AK9: variants seen among roughly 807,000 people sequenced by gnomAD.
AK9 encodes adenylate kinase domain containing 1.
AK9 carries 191 observed loss-of-function variants against 239.6 expected under a neutral mutation model. The ratio of observed to expected loss-of-function variants is 0.80; its 90% CI spans 0.71 to 0.90. The LOEUF (loss-of-function observed/expected upper bound fraction) is 0.90. AK9 is among the 40% of genes least tolerant of loss of function. The pLI is 0.00. For synonymous variants in AK9, 689 were observed against 721.0 expected, an observed-to-expected ratio of 0.96 and a Z score of 0.71; for missense variants, 1,995 against 2,214.7, an observed-to-expected ratio of 0.90 and a Z score of 1.99.
intron 17 of AK9, among the ~76,000 whole-genome samples, chr6:109,595,008 T>C (rs1292192930): frequency 6.6e-6 from 1 of 151,992 alleles, no homozygotes; most frequent in Non-Finnish European, 1.5e-5. Flanking sequence ...AATTGACAAA[T>C]GGGATCTAAT....
chr6:109,536,739 T>C (rs1381217250), intron 27 of AK9, among the ~76,000 whole-genome samples: 8 of 152,170 alleles, frequency 5.3e-5, no homozygotes, highest in African/African-American at 1.9e-4. Context: ...TGGCTGTGGG[T>C]TTGTCACAAA....
intron 21 of AK9, among the ~76,000 whole-genome samples, chr6:109,567,425 G>T (rs1363416180): frequency 6.6e-6 from 1 of 152,072 alleles, no homozygotes; most frequent in African/African-American, 2.4e-5. Flanking sequence ...TTCTGAAATT[G>T]AGGCAAAAAT....
Position 109,632,908 on chromosome 6 carries a change from T to C in AK9, c.1254+15A>G, listed in dbSNP as rs80048590. 765 of 1,551,464 alleles carry C rather than the reference T, an allele frequency of 4.9e-4. 4 individuals carry two copies. Among genetic ancestry groups the C allele is most frequent in the Middle Eastern group, 1.4e-3 (8 of 5,886 alleles). On this transcript the variant is annotated intron_variant, in intron 12 of 40. Transcript: ENST00000424296. ...ATAGATAGATAGATAGATAGACAGA[T>C]AGTTAGTTAGTCACCTTTCCTTTGT...
Position 109,536,973 on chromosome 6 carries a change from A to G in AK9, c.3351-3503T>C, listed in dbSNP as rs567544039. On this transcript the variant is annotated intron_variant, in intron 27 of 40. Transcript: ENST00000424296. ...TGAAGCCCACTTGATCATGGTGCAT[A>G]AGCTTTTTGATGTGCTGTTGGATTC... 6.6e-4 allele frequency among the ~76,000 whole-genome samples: 100 copies of G among 152,254 alleles called. 1 individual carries two copies. Among genetic ancestry groups the G allele is most frequent in the Middle Eastern group, 3.4e-3 (1 of 294 alleles).
chr6:109,566,855 G>A (rs1786604702), intron 21 of AK9, among the ~76,000 whole-genome samples: 1 of 152,154 alleles, frequency 6.6e-6, no homozygotes, highest in Non-Finnish European at 1.5e-5. Context: ...AATGAAGGCA[G>A]AAATAAAGAT....
In AK9 at chr6:109,497,532, A is replaced by G; in HGVS notation, c.5248T>C (p.Tyr1750His). ...YEALVPGSIN[Y>H]ALEYHNRIYI... ...ATACGATTATGATATTCTAAAGCAT[A>G]GTTAATGCTACCAGGTACTAGAGCT... The change falls in exon 38 of 41, where the codon TAT (tyrosine) becomes CAT (histidine). Residue 1750 changes from tyrosine to histidine, a missense_variant. Tyr to His is a moderately conservative substitution (Grantham distance 83). Coordinates refer to ENST00000424296, the MANE Select transcript of AK9 (RefSeq NM_001145128.3). 6.2e-7 allele frequency: 1 copy of G among 1,609,202 alleles called. No homozygotes were observed. The highest frequency in any genetic ancestry group is 8.5e-7 in the Non-Finnish European group (1 of 1,175,846).
At chr6:109,531,626 C>G (rs1018856490) in intron 28 of AK9, among the ~76,000 whole-genome samples, 5 of 152,164 alleles carry the variant, frequency 3.3e-5, no homozygotes, top group African/African-American at 9.7e-5. Flanking sequence ...TACAGGACAG[C>G]ACAGATCTAG....
chr6:109,520,621 T>C (rs1251612811), intron 29 of AK9, among the ~76,000 whole-genome samples: 2 of 152,148 alleles, frequency 1.3e-5, no homozygotes, highest in Non-Finnish European at 2.9e-5. Flanking sequence ...ATATGAATTT[T>C]AGAATAGTTT....
intron 26 of AK9, among the ~76,000 whole-genome samples, chr6:109,543,521 C>A (rs1783150267): frequency 6.6e-6 from 1 of 152,096 alleles, no homozygotes; most frequent in Admixed American, 6.5e-5. Context: ...GATCTTGGCT[C>A]ACTGCAACCT....
chr6:109,670,309 T>C (rs756252571), intron 5 of AK9, among the ~76,000 whole-genome samples: 27 of 152,224 alleles, frequency 1.8e-4, no homozygotes, highest in South Asian at 8.3e-4. Flanking sequence ...TAATGTGTAA[T>C]AGGTTTAAGT....
chr6:109,685,382 T>C (rs1335888153), intron 1 of AK9, among the ~76,000 whole-genome samples: 1 of 152,188 alleles, frequency 6.6e-6, no homozygotes, highest in African/African-American at 2.4e-5. Flanking sequence ...ATATACACCA[T>C]GGAATACTAT....
intron 8 of AK9, among the ~76,000 whole-genome samples, chr6:109,654,708 T>C (rs1440319418): frequency 6.6e-6 from 1 of 152,182 alleles, no homozygotes; most frequent in African/African-American, 2.4e-5. Context: ...GTATCAACAC[T>C]CTTAAGGAAA....
intron 37 of AK9, 95 bp from the exon 38 acceptor site, chr6:109,497,658 A>G (rs1777215314): frequency 2.3e-6 from 3 of 1,325,994 alleles, no homozygotes; most frequent in Non-Finnish European, 3.1e-6. Flanking sequence ...TTTTCTACCT[A>G]TGTAGCTCAA....
At chr6:109,587,959 T>A (rs190102193) in intron 17 of AK9, among the ~76,000 whole-genome samples, 5 of 152,344 alleles carry the variant, frequency 3.3e-5, no homozygotes, top group Non-Finnish European at 7.4e-5. Flanking sequence ...ATCTGTTTTT[T>A]GACTTTGTAA....
At chr6:109,567,635 AG>A (rs1057307291) in intron 21 of AK9, among the ~76,000 whole-genome samples, 13 of 150,772 alleles carry the variant, frequency 8.6e-5, no homozygotes, top group African/African-American at 3.2e-4. Context: ...TCGCAAGGAC[AG>A]AAAACCAAAC....
chr6:109,616,290 G>A (rs1376444891), intron 13 of AK9, among the ~76,000 whole-genome samples: 1 of 152,142 alleles, frequency 6.6e-6, no homozygotes, highest in Non-Finnish European at 1.5e-5. Flanking sequence ...ATTGTTTAAT[G>A]TTGGAAAATA....
At chr6:109,505,400 G>T (rs543444351) in intron 35 of AK9, among the ~76,000 whole-genome samples, 3 of 152,094 alleles carry the variant, frequency 2.0e-5, no homozygotes, top group Non-Finnish European at 4.4e-5. Flanking sequence ...AACTTTCCTT[G>T]TATTTTGTGT....
chr6:109,673,795 G>C (rs1232806192), intron 3 of AK9, among the ~76,000 whole-genome samples: 3 of 151,780 alleles, frequency 2.0e-5, no homozygotes, highest in Non-Finnish European at 4.4e-5. Flanking sequence ...ACAAAACTAG[G>C]ACAAACAGAA....
intron 27 of AK9, among the ~76,000 whole-genome samples, chr6:109,539,422 C>T (rs553843065): frequency 2.4e-4 from 37 of 152,298 alleles, no homozygotes; most frequent in African/African-American, 6.7e-4. Context: ...GCATTCATCA[C>T]GTAGTTCTCG....
Sources: allele counts gnomAD v4.1 joint callset (sites outside exome capture counted in the v4.1 genomes callset), GRCh38; gene constraint gnomAD v4.1.1; transcripts MANE v1.5; gene names NCBI Gene and HGNC (gene_info 2026-07-23, HGNC 2026-07-21).